PYM1: variants seen among roughly 807,000 people sequenced by gnomAD.
PYM1 encodes the protein partner of Y14 and mago.
In PYM1, 7 loss-of-function variants were observed where a neutral mutation model predicts 20.7. The observed-to-expected ratio is 0.34, with a 90% CI of 0.19 to 0.64. The LOEUF (loss-of-function observed/expected upper bound fraction) is 0.64, where lower values mean the gene tolerates loss of function less well. Among genes scored for constraint, PYM1 ranks in the 30% least tolerant of loss-of-function variants. The probability of loss-of-function intolerance (pLI) is 0.74; values close to 1 mark genes in which losing one functional copy is unlikely to be tolerated. For synonymous variants in PYM1, 100 were observed against 99.2 expected, an observed-to-expected ratio of 1.01 and a Z score of -0.05; for missense variants, 194 against 250.0, an observed-to-expected ratio of 0.78 and a Z score of 1.51.
Position 55,903,452 on chromosome 12 carries a change from A to T in PYM1, c.66T>A (p.Pro22=), listed in dbSNP as rs1013113661. ...TCCGCTGCTTGCGCCAGGTCCCGTC[A>T]GGTCGCTGTGTTGACGCGATATACT... ...TGKYIASTQR[P]DGTWRKQRRV... is the part of the protein sequence containing the mutation. Residue 22 remains proline (P), a synonymous_variant, in exon 2 of 3, where the codon CCT becomes CCA. Coordinates refer to ENST00000408946, the MANE Select transcript of PYM1 (RefSeq NM_032345.3). 1 of 1,614,144 alleles carries T rather than the reference A, an allele frequency of 6.2e-7. No individual in the cohort carries two copies. The highest frequency in any genetic ancestry group is 1.3e-5 in the African/African-American group (1 of 75,044).
Position 55,902,208 on chromosome 12 carries a change from T to C in PYM1, c.279A>G (p.Arg93=). 6.2e-7 allele frequency: 1 copy of C among 1,614,110 alleles called. No homozygotes were observed. The highest frequency in any genetic ancestry group is 8.5e-7 in the Non-Finnish European group (1 of 1,180,020). ...LSKTAKRNLK[R]KEKRRQQQEK... The stretch of plus-strand genomic sequence containing the variant: ...CTTGCTGCTGCCGCCTCTTCTCCTT[T>C]CGCTTCAGGTTACGTTTGGCTGTCT... The change falls in exon 3 of 3, where the codon CGA becomes CGG. Residue 93 remains arginine (R), a synonymous_variant. Coordinates refer to ENST00000408946, the MANE Select transcript of PYM1 (RefSeq NM_032345.3).
Position 55,927,821 on chromosome 12 carries a change from G to C in PYM1, c.-60C>G. The C allele has an allele frequency of 6.6e-7, 1 of 1,518,010 alleles. No homozygotes were observed. 94.0% of individuals were successfully genotyped at this position (1,518,010 alleles called of 1,614,324 possible). ...GCCCTGGCCTGGCTCTGCCCCGCTG[G>C]GCGGCGCCGGGGATTCGGCGGCGAA... On this transcript the variant is annotated 5_prime_UTR_variant, in exon 1 of 3. Coordinates refer to ENST00000408946, the MANE Select transcript of PYM1 (RefSeq NM_032345.3).
intron 1 of PYM1, among the ~76,000 whole-genome samples, chr12:55,922,585 C>T (rs1447145121): frequency 6.6e-6 from 1 of 151,926 alleles, no homozygotes; most frequent in African/African-American, 2.4e-5. Flanking sequence ...TCACCGCACT[C>T]CAGTCTGGGC....
At chr12:55,922,880 G>C (rs1201506802) in intron 1 of PYM1, among the ~76,000 whole-genome samples, 6 of 152,070 alleles carry the variant, frequency 3.9e-5, no homozygotes, top group African/African-American at 1.4e-4. Context: ...AGAGACATGA[G>C]AACTAAATGT....
chr12:55,905,082 A>G (rs1203449709), intron 1 of PYM1, among the ~76,000 whole-genome samples: 1 of 151,290 alleles, frequency 6.6e-6, no homozygotes, highest in Non-Finnish European at 1.5e-5. Context: ...GCTCACTGCA[A>G]GCTCTGCCTC....
In PYM1 at chr12:55,903,438, C is replaced by A; in HGVS notation, c.80G>T (p.Arg27Leu). 6.2e-7 allele frequency: 1 copy of A among 1,614,082 alleles called. No individual in the cohort carries two copies. The highest frequency in any genetic ancestry group is 8.5e-7 in the Non-Finnish European group (1 of 1,180,030). Residue 27 changes from arginine to leucine, a missense_variant, in exon 2 of 3, where the codon CGC (arginine) becomes CTC (leucine). Transcript: ENST00000408946. ...TCCTTCTTTCACCCTCCGCTGCTTG[C>A]GCCAGGTCCCGTCAGGTCGCTGTGT... ...ASTQRPDGTWRKQRRVKEGYV... is the reference protein window; with the variant it reads ...ASTQRPDGTWLKQRRVKEGYV...
At chr12:55,916,794 C>T (rs909344944) in intron 1 of PYM1, among the ~76,000 whole-genome samples, 21 of 151,676 alleles carry the variant, frequency 1.4e-4, no homozygotes, top group Admixed American at 4.6e-4. Context: ...CAGCAAAAGT[C>T]GGTCTCAAAA....
At chr12:55,905,211 A>G (rs770646841) in intron 1 of PYM1, among the ~76,000 whole-genome samples, 11 of 148,346 alleles carry the variant, frequency 7.4e-5, no homozygotes, top group Non-Finnish European at 1.5e-4. Flanking sequence ...GGGTTTCACC[A>G]TGTTAGCCAG....
At chr12:55,912,889 G>A (rs898662652) in intron 1 of PYM1, among the ~76,000 whole-genome samples, 10 of 151,362 alleles carry the variant, frequency 6.6e-5, no homozygotes, top group African/African-American at 1.7e-4. Flanking sequence ...ACTTGAACCC[G>A]GGAGGCGGAG....
At chr12:55,905,298 C>G (rs941385844) in intron 1 of PYM1, among the ~76,000 whole-genome samples, 1 of 151,628 alleles carries the variant, frequency 6.6e-6, no homozygotes, top group African/African-American at 2.4e-5. Flanking sequence ...TGTGAGCCAC[C>G]GTGCCTGGCC....
At chr12:55,908,225 A>C (rs931526475) in intron 1 of PYM1, among the ~76,000 whole-genome samples, 2 of 152,078 alleles carry the variant, frequency 1.3e-5, no homozygotes, top group African/African-American at 4.8e-5. Context: ...CCTGGGCGAC[A>C]GAGAAAGACT....
chr12:55,913,159 C>T (rs1282705973), intron 1 of PYM1, among the ~76,000 whole-genome samples: 3 of 152,152 alleles, frequency 2.0e-5, no homozygotes, highest in South Asian at 2.1e-4. Context: ...GACTTCCTTA[C>T]GCCAAGCCAG....
intron 1 of PYM1, chr12:55,927,159 C>A: frequency 6.4e-7 from 1 of 1,551,270 alleles, no homozygotes; most frequent in Non-Finnish European, 8.7e-7. Flanking sequence ...GTCCCGCCCC[C>A]CTCCCCACCG....
At position 55,925,166 on chromosome 12, in the gene PYM1, T is replaced by C. The variant is rs1263145097; in HGVS notation, c.37+2559A>G. 7.2e-5 allele frequency among the ~76,000 whole-genome samples: 11 copies of C among 152,110 alleles called. No individual in the cohort carries two copies. The South Asian group carries it at 2.3e-3, about 31-fold the overall frequency. ...AGACAACAGAAGTGCCTGCTTAGTA[T>C]AGAAAATCAAAATGAATAAAGAAAG... On this transcript the variant is annotated intron_variant, in intron 1 of 2. Coordinates refer to ENST00000408946, the MANE Select transcript of PYM1 (RefSeq NM_032345.3).
chr12:55,924,939 C>T (rs772814424), intron 1 of PYM1, among the ~76,000 whole-genome samples: 7 of 152,334 alleles, frequency 4.6e-5, no homozygotes, highest in South Asian at 4.1e-4. Context: ...CCCACCTCGG[C>T]CTCCCAAAGT....
chr12:55,927,556 G>C (rs1223322013), intron 1 of PYM1, 169 bp downstream of exon 1: 1 of 858,460 alleles, frequency 1.2e-6, no homozygotes, highest in African/African-American at 1.7e-5. Flanking sequence ...ACAAACTCCA[G>C]GAACGCACTG....
Position 55,901,754 on chromosome 12 carries a change from G to A in PYM1, c.*118C>T. On this transcript the variant is annotated 3_prime_UTR_variant, in exon 3 of 3. Transcript: ENST00000408946. ...TCTGGAGGACAGAGCTGGGCCGCAG[G>A]AGGTGGAAGTAAGCCAGTATGGGGG... The A allele has an allele frequency of 7.6e-7, 1 of 1,310,710 alleles. No homozygotes were observed. The highest frequency in any genetic ancestry group is 1.0e-6 in the Non-Finnish European group (1 of 993,446). 81.2% of individuals were successfully genotyped at this position (1,310,710 alleles called of 1,614,324 possible). A position where few individuals can be genotyped will look rare whatever the true frequency, so the allele number is the denominator to read the frequency against.
chr12:55,921,343 C>G (rs1011337553), intron 1 of PYM1, among the ~76,000 whole-genome samples: 2 of 152,024 alleles, frequency 1.3e-5, no homozygotes, highest in Non-Finnish European at 2.9e-5. Context: ...ATTCCAATTT[C>G]ATTGATGAGA....
intron 1 of PYM1, among the ~76,000 whole-genome samples, chr12:55,910,252 CATATATATATATATATAT>C (rs71074876): frequency 0.039 from 5,585 of 142,738 alleles, 384 homozygotes; most frequent in African/African-American, 0.13. Context: ...TGGTTTTATA[CATATATATATATATATAT>C]ATATATATAT....
Sources: allele counts gnomAD v4.1 joint callset (sites outside exome capture counted in the v4.1 genomes callset), GRCh38; gene constraint gnomAD v4.1.1; transcripts MANE v1.5; gene names NCBI Gene and HGNC (gene_info 2026-07-23, HGNC 2026-07-21).